The following NRG3 variants were observed in gnomAD, a reference collection of about 807,000 sequenced individuals.
NRG3 encodes pro-neuregulin-3, membrane-bound isoform.
A neutral mutation model predicts 66.9 loss-of-function variants in NRG3; 31 were observed. That is an observed-to-expected ratio of 0.46 (90% CI 0.35 to 0.63). The LOEUF (loss-of-function observed/expected upper bound fraction) is 0.63. NRG3 is among the 20% of genes least tolerant of loss of function. The probability of loss-of-function intolerance (pLI) is 0.00; values close to 1 mark genes in which losing one functional copy is unlikely to be tolerated. For missense variants in NRG3, 910 were observed against 878.9 expected, an observed-to-expected ratio of 1.04 and a Z score of -0.45; for synonymous variants, 393 against 359.4, an observed-to-expected ratio of 1.09 and a Z score of -1.06.
chr10:82,486,169 G>A (rs952449895), intron 2 of NRG3, among the ~76,000 whole-genome samples: 4 of 152,318 alleles, frequency 2.6e-5, no homozygotes, highest in South Asian at 4.1e-4. Flanking sequence ...GTGTTGGAGA[G>A]AGGATGTGGA....
At chr10:82,641,004 T>G (rs2050535802) in intron 2 of NRG3, among the ~76,000 whole-genome samples, 1 of 127,154 alleles carries the variant, frequency 7.9e-6, no homozygotes, top group Non-Finnish European at 1.6e-5. Context: ...AATTTTTCAG[T>G]CTGTCGTTTT....
At chr10:82,013,920 A>G (rs2061682294) in intron 1 of NRG3, among the ~76,000 whole-genome samples, 1 of 152,208 alleles carries the variant, frequency 6.6e-6, no homozygotes. Context: ...AAATTAACAA[A>G]CTTTAATAGC....
At chr10:81,885,474 A>G (rs998801241) in intron 1 of NRG3, among the ~76,000 whole-genome samples, 2 of 152,194 alleles carry the variant, frequency 1.3e-5, no homozygotes, top group Non-Finnish European at 2.9e-5. Context: ...GAAGGGGAAC[A>G]TTGGTGAGAC....
At chr10:82,869,810 G>A (rs535590014) in intron 4 of NRG3, among the ~76,000 whole-genome samples, 14 of 151,656 alleles carry the variant, frequency 9.2e-5, no homozygotes, top group South Asian at 2.1e-4. Context: ...GGTTTTCACC[G>A]TGTTAGCCCG....
chr10:82,703,714 C>T (rs1341397336), intron 2 of NRG3, among the ~76,000 whole-genome samples: 1 of 152,118 alleles, frequency 6.6e-6, no homozygotes, highest in Non-Finnish European at 1.5e-5. Flanking sequence ...AGGCATTTGG[C>T]CTAACTGTCT....
In NRG3 at chr10:82,055,576, T is replaced by C. The variant is rs181767296; in HGVS notation, c.823+179413T>C. On this transcript the variant is annotated intron_variant, in intron 1 of 8. Transcript: ENST00000372141. Reference sequence around the variant, plus strand: ...TAAAGAGAAAATGGAAAAAGGCAAATTGGTGGTAATTATTTAATTTTTTTA... The same window carrying C: ...TAAAGAGAAAATGGAAAAAGGCAAACTGGTGGTAATTATTTAATTTTTTTA... Among the ~76,000 whole-genome samples, 25 of 151,578 alleles carry C rather than the reference T, an allele frequency of 1.6e-4. No individual in the cohort carries two copies. The East Asian group carries it at 4.5e-3, about 27-fold the overall frequency.
chr10:82,614,934 T>A (rs1048585087), intron 2 of NRG3, among the ~76,000 whole-genome samples: 6 of 152,186 alleles, frequency 3.9e-5, no homozygotes, highest in Admixed American at 2.0e-4. Flanking sequence ...ATGCTTCTTA[T>A]CCGGGGACCA....
At chr10:81,911,600 C>CT (rs1469260394) in intron 1 of NRG3, among the ~76,000 whole-genome samples, 9 of 112,140 alleles carry the variant, frequency 8.0e-5, no homozygotes, top group East Asian at 3.1e-4. Flanking sequence ...CTAGCACAGA[C>CT]TTGTTTTTTT....
At chr10:81,992,205 T>C (rs1028309202) in intron 1 of NRG3, among the ~76,000 whole-genome samples, 2 of 152,152 alleles carry the variant, frequency 1.3e-5, no homozygotes, top group African/African-American at 4.8e-5. Flanking sequence ...AAATTATTTT[T>C]TTCTTTGAAT....
chr10:82,568,024 A>C (rs1180024944), intron 2 of NRG3, among the ~76,000 whole-genome samples: 2 of 151,854 alleles, frequency 1.3e-5, no homozygotes, highest in African/African-American at 4.8e-5. Context: ...TAGTTTTGTC[A>C]TTTCTTAAAT....
intron 3 of NRG3, among the ~76,000 whole-genome samples, chr10:82,773,866 G>T (rs1292654466): frequency 6.6e-6 from 1 of 152,122 alleles, no homozygotes; most frequent in Non-Finnish European, 1.5e-5. Flanking sequence ...TTATTATATG[G>T]AGAAACTTTT....
intron 1 of NRG3, among the ~76,000 whole-genome samples, chr10:82,258,623 C>T (rs1178013708): frequency 1.3e-5 from 2 of 152,140 alleles, no homozygotes; most frequent in East Asian, 1.9e-4. Context: ...GCAAAATTGT[C>T]CTAATGTTAC....
intron 1 of NRG3, among the ~76,000 whole-genome samples, chr10:82,123,643 A>T (rs1267142043): frequency 6.6e-6 from 1 of 152,220 alleles, no homozygotes; most frequent in Admixed American, 6.6e-5. Flanking sequence ...AGGATTGAAG[A>T]ATTCAGTTCA....
intron 2 of NRG3, among the ~76,000 whole-genome samples, chr10:82,699,086 C>G (rs898861721): frequency 6.6e-6 from 1 of 152,092 alleles, no homozygotes; most frequent in African/African-American, 2.4e-5. Context: ...TATTATGGGT[C>G]TCTGAAGCAC....
At chr10:82,216,513 CAT>C (rs749562872) in intron 1 of NRG3, among the ~76,000 whole-genome samples, 124 of 141,928 alleles carry the variant, frequency 8.7e-4, no homozygotes, top group Middle Eastern at 4.0e-3. Flanking sequence ...TATACACACA[CAT>C]ATATGCACAT....
At chr10:82,528,635 G>T (rs892957624) in intron 2 of NRG3, among the ~76,000 whole-genome samples, 3 of 152,100 alleles carry the variant, frequency 2.0e-5, no homozygotes, top group African/African-American at 7.2e-5. Context: ...TGCTATTAAG[G>T]ATTTTTCATT....
chr10:82,725,474 C>T (rs922557942), intron 2 of NRG3, among the ~76,000 whole-genome samples: 14 of 152,080 alleles, frequency 9.2e-5, no homozygotes, highest in Admixed American at 6.6e-4. Context: ...ATAATTTTCC[C>T]CAAGTGCCTT....
At chr10:82,521,557 G>A (rs1024926159) in intron 2 of NRG3, among the ~76,000 whole-genome samples, 1 of 152,076 alleles carries the variant, frequency 6.6e-6, no homozygotes, top group Non-Finnish European at 1.5e-5. Flanking sequence ...AGCCAGGATG[G>A]TCTCAATCTC....
At chr10:82,200,669 G>A (rs537667105) in intron 1 of NRG3, among the ~76,000 whole-genome samples, 4 of 152,270 alleles carry the variant, frequency 2.6e-5, no homozygotes, top group African/African-American at 7.2e-5. Context: ...CCGAAGTCAA[G>A]CAGCTAGTAC....
Sources: allele counts gnomAD v4.1 joint callset (sites outside exome capture counted in the v4.1 genomes callset), GRCh38; gene constraint gnomAD v4.1.1; transcripts MANE v1.5; gene names NCBI Gene and HGNC (gene_info 2026-07-23, HGNC 2026-07-21).